Variants in COG5 observed in about 807,000 individuals in gnomAD.
The protein encoded by COG5 is conserved oligomeric Golgi complex subunit 5.
In COG5, 86 loss-of-function variants were observed where a neutral mutation model predicts 110.4. The observed-to-expected ratio is 0.78, with a 90% CI of 0.65 to 0.93. COG5 has a LOEUF of 0.93. Among genes scored for constraint, COG5 ranks in the 40% least tolerant of loss-of-function variants. The pLI, the probability that COG5 is intolerant of heterozygous loss-of-function variation, is 0.00. For synonymous variants in COG5, 360 were observed against 334.6 expected (o/e 1.08, Z -0.83); for missense variants, 1,077 against 987.0 (o/e 1.09, Z -1.22).
At chr7:107,247,694 A>T (rs553585310) in intron 17 of COG5, among the ~76,000 whole-genome samples, 1 of 152,370 alleles carries the variant, frequency 6.6e-6, no homozygotes, top group Admixed American at 6.5e-5. Flanking sequence ...CACTGAACCA[A>T]AACCATTTTA....
intron 10 of COG5, among the ~76,000 whole-genome samples, chr7:107,329,711 G>A (rs186182227): frequency 4.0e-4 from 60 of 151,060 alleles, no homozygotes; most frequent in African/African-American, 1.3e-3. Flanking sequence ...TGGCAACAGC[G>A]AGACCCCCCC....
chr7:107,264,432 C>A (rs1404028097), intron 14 of COG5, among the ~76,000 whole-genome samples: 1 of 152,098 alleles, frequency 6.6e-6, no homozygotes, highest in Non-Finnish European at 1.5e-5. Flanking sequence ...GTGGCTCATA[C>A]CTGTAATCCT....
intron 7 of COG5, among the ~76,000 whole-genome samples, chr7:107,409,820 T>C (rs982481239): frequency 3.3e-5 from 5 of 152,170 alleles, no homozygotes; most frequent in African/African-American, 4.8e-5. Context: ...TTGATTTTCC[T>C]TGTAAGGAGT....
intron 6 of COG5, among the ~76,000 whole-genome samples, chr7:107,469,500 G>A (rs890547283): frequency 1.3e-5 from 2 of 152,066 alleles, no homozygotes; most frequent in Non-Finnish European, 2.9e-5. Context: ...TGAATGAAAT[G>A]AATGAATACC....
chr7:107,498,314 A>G (rs969015848), intron 6 of COG5, among the ~76,000 whole-genome samples: 2 of 152,236 alleles, frequency 1.3e-5, no homozygotes, highest in Admixed American at 6.5e-5. Context: ...TCTGCACAGC[A>G]AAGGAAACAA....
At chr7:107,249,816 C>T (rs1261719350) in intron 16 of COG5, among the ~76,000 whole-genome samples, 1 of 149,100 alleles carries the variant, frequency 6.7e-6, no homozygotes, top group Non-Finnish European at 1.5e-5. Context: ...GTTGAGTAAC[C>T]CAAAATCCAA....
At chr7:107,557,270 A>G (rs1803394051) in intron 2 of COG5, among the ~76,000 whole-genome samples, 1 of 152,180 alleles carries the variant, frequency 6.6e-6, no homozygotes, top group South Asian at 2.1e-4. Context: ...TGTTTCATGC[A>G]TATGTTCATT....
At chr7:107,431,882 C>G (rs906882883) in intron 6 of COG5, among the ~76,000 whole-genome samples, 5 of 152,080 alleles carry the variant, frequency 3.3e-5, no homozygotes, top group Admixed American at 3.3e-4. Context: ...TCTAGAACTC[C>G]TGAGTTCAAA....
At chr7:107,401,498 T>C (rs777537771) in intron 7 of COG5, among the ~76,000 whole-genome samples, 2 of 152,144 alleles carry the variant, frequency 1.3e-5, no homozygotes, top group African/African-American at 2.4e-5. Flanking sequence ...ATGAAAGCTA[T>C]AGTGATGGGA....
chr7:107,237,397 C>A (rs1801281432), intron 17 of COG5, among the ~76,000 whole-genome samples: 1 of 152,082 alleles, frequency 6.6e-6, no homozygotes. Flanking sequence ...AAGAGATATA[C>A]CAAAACTAGC....
intron 7 of COG5, among the ~76,000 whole-genome samples, chr7:107,408,088 C>G (rs571303590): frequency 6.6e-6 from 1 of 152,272 alleles, no homozygotes; most frequent in Admixed American, 6.5e-5. Flanking sequence ...AACAAGAATA[C>G]AGAAACAATC....
chr7:107,430,850 C>T lies in COG5; in HGVS notation c.539-18218G>A, dbSNP rs574435199. Among the ~76,000 whole-genome samples, 815 of 151,976 alleles carry T rather than the reference C, an allele frequency of 5.4e-3. 21 individuals carry two copies. Among genetic ancestry groups the T allele is most frequent in the Non-Finnish European group, 4.1e-3 (278 of 67,964 alleles). On this transcript the variant is annotated intron_variant, in intron 6 of 21. Coordinates refer to ENST00000297135, the MANE Select transcript of COG5 (RefSeq NM_006348.5). ...GATGGGGAGGTTATCCTGGATAGGC[C>T]CTAATAAAATCACAAGTGATTTTAT...
chr7:107,403,358 T>A (rs905456360), intron 7 of COG5, among the ~76,000 whole-genome samples: 1 of 151,994 alleles, frequency 6.6e-6, no homozygotes, highest in African/African-American at 2.4e-5. Context: ...TGATAAGGGC[T>A]CATGTTCCTA....
At chr7:107,362,472 T>C (rs757422234) in intron 8 of COG5, 52 bp from the exon 9 acceptor site, 3 of 913,150 alleles carry the variant, frequency 3.3e-6, no homozygotes, top group Non-Finnish European at 5.2e-6. Flanking sequence ...CAAAGGCAAA[T>C]ATATATATAT....
At chr7:107,432,639 TA>T (rs1327723976) in intron 6 of COG5, among the ~76,000 whole-genome samples, 1 of 152,102 alleles carries the variant, frequency 6.6e-6, no homozygotes, top group Non-Finnish European at 1.5e-5. Context: ...TACATGAAAA[TA>T]AAGTCTTTTC....
intron 6 of COG5, among the ~76,000 whole-genome samples, chr7:107,495,914 TC>T (rs398111695): frequency 2.8e-4 from 23 of 82,008 alleles, no homozygotes; most frequent in Non-Finnish European, 6.3e-4. Context: ...ATACTTTATT[TC>T]ATTTATTTTT....
At chr7:107,343,984 C>T (rs1369924723) in intron 10 of COG5, among the ~76,000 whole-genome samples, 1 of 151,708 alleles carries the variant, frequency 6.6e-6, no homozygotes, top group African/African-American at 2.4e-5. Context: ...AGAGCACAAG[C>T]AGAATAGATT....
intron 5 of COG5, among the ~76,000 whole-genome samples, chr7:107,531,126 CTCTT>C (rs889581598): frequency 3.3e-5 from 5 of 152,014 alleles, no homozygotes; most frequent in African/African-American, 1.2e-4. Context: ...CTCTCACCTT[CTCTT>C]TTTTTCATTG....
At position 107,365,789 on chromosome 7, in the gene COG5, A is replaced by G. The variant is rs542146923; in HGVS notation, c.836-3369T>C. Among the ~76,000 whole-genome samples the G allele has an allele frequency of 2.0e-5, 3 of 152,190 alleles. No individual in the cohort carries two copies. In the East Asian group the frequency reaches 5.8e-4, roughly 29 times the overall value. ...CTTAAATAGCTTTACTGGTAGCCAT[A>G]CTAAGCTTCTGAATGATGCAAATTT... On this transcript the variant is annotated intron_variant, in intron 8 of 21. Coordinates refer to ENST00000297135, the MANE Select transcript of COG5 (RefSeq NM_006348.5).
Sources: allele counts gnomAD v4.1 joint callset (sites outside exome capture counted in the v4.1 genomes callset), GRCh38; gene constraint gnomAD v4.1.1; transcripts MANE v1.5; gene names NCBI Gene and HGNC (gene_info 2026-07-23, HGNC 2026-07-21).